The following PTPRD variants were observed in gnomAD, a reference collection of about 807,000 sequenced individuals.
The protein encoded by PTPRD is protein tyrosine phosphatase receptor type D, also known as receptor-type tyrosine-protein phosphatase delta.
In PTPRD, 34 loss-of-function variants were observed where a neutral mutation model predicts 214.5. The ratio of observed to expected loss-of-function variants is 0.16; its 90% CI spans 0.12 to 0.21. PTPRD has a LOEUF of 0.21. Ranked by LOEUF, PTPRD falls within the 10% of genes least tolerant of loss-of-function variation. The pLI is 1.00. For missense variants in PTPRD, 2,545 were observed against 2,398.7 expected (o/e 1.06, Z -1.27); for synonymous variants, 1,128 against 845.7 (o/e 1.33, Z -5.79).
At position 8,316,788 on chromosome 9, in the gene PTPRD, C is replaced by CATT. The variant is rs1822128160; in HGVS notation, c.*1083_*1085dup. 3 of 231,286 alleles carry CATT rather than the reference C, an allele frequency of 1.3e-5. No individual in the cohort carries two copies. Among genetic ancestry groups the CATT allele is most frequent in the Middle Eastern group, 2.6e-3 (2 of 774 alleles). 14.3% of individuals were successfully genotyped at this position (231,286 alleles called of 1,614,324 possible). On this transcript the variant is annotated 3_prime_UTR_variant, in exon 46 of 46. Coordinates refer to ENST00000381196, the MANE Select transcript of PTPRD (RefSeq NM_002839.4). ...CAATCAATCACTGATGTGCATTCCT[C>CATT]ATTTCCCTTTAAAGAAATACCAATA...
chr9:10,022,715 T>A (rs2096847651), intron 4 of PTPRD, among the ~76,000 whole-genome samples: 1 of 152,188 alleles, frequency 6.6e-6, no homozygotes, highest in African/African-American at 2.4e-5. Context: ...GCAGTTAAGA[T>A]TTACATTGAC....
chr9:8,530,035 A>G (rs1419644853), intron 14 of PTPRD, among the ~76,000 whole-genome samples: 2 of 152,102 alleles, frequency 1.3e-5, no homozygotes, highest in Admixed American at 6.6e-5. Context: ...GCAGAACATT[A>G]GATATCATCA....
intron 11 of PTPRD, among the ~76,000 whole-genome samples, chr9:8,756,450 A>G (rs1410836261): frequency 6.6e-5 from 10 of 152,244 alleles, no homozygotes; most frequent in Non-Finnish European, 1.5e-4. Flanking sequence ...TGCATAAAAA[A>G]CAATACAGCA....
intron 5 of PTPRD, among the ~76,000 whole-genome samples, chr9:9,848,122 G>C (rs2059890559): frequency 6.6e-6 from 1 of 152,082 alleles, no homozygotes; most frequent in African/African-American, 2.4e-5. Context: ...CCTCTAAACA[G>C]CTGTAACACG....
intron 3 of PTPRD, among the ~76,000 whole-genome samples, chr9:10,157,072 G>C (rs1245450481): frequency 2.0e-5 from 3 of 152,168 alleles, no homozygotes; most frequent in South Asian, 4.1e-4. Context: ...TTGCATCTTG[G>C]TTCTATACCC....
chr9:9,131,975 G>A (rs2099843424), intron 10 of PTPRD, among the ~76,000 whole-genome samples: 1 of 151,936 alleles, frequency 6.6e-6, no homozygotes, highest in Non-Finnish European at 1.5e-5. Flanking sequence ...AGTCTACTGA[G>A]CCTAAGTAAG....
At chr9:8,933,340 G>GTTTGTTTTTTTTT (rs2098966612) in intron 11 of PTPRD, among the ~76,000 whole-genome samples, 1 of 80,430 alleles carries the variant, frequency 1.2e-5, no homozygotes, top group East Asian at 4.9e-4. Flanking sequence ...CAACCTTGAG[G>GTTTGTTTTTTTTT]TTTTTTTTTT....
At position 9,883,535 on chromosome 9, in the gene PTPRD, G is replaced by A. The variant is rs114857059; in HGVS notation, c.-368+54972C>T. On this transcript the variant is annotated intron_variant, in intron 5 of 45. Transcript: ENST00000381196. The stretch of plus-strand genomic sequence containing the variant: ...AGGTACTTCCCGGTTTTCACTCTCA[G>A]TGTTACATGGTCTCTTAATCAATTA... 7.2e-3 allele frequency among the ~76,000 whole-genome samples: 1,097 copies of A among 152,186 alleles called. 12 individuals carry two copies. Among genetic ancestry groups the A allele is most frequent in the African/African-American group, 0.024 (1,013 of 41,502 alleles).
At chr9:9,991,841 C>A (rs1282462124) in intron 4 of PTPRD, among the ~76,000 whole-genome samples, 2 of 128,338 alleles carry the variant, frequency 1.6e-5, no homozygotes, top group African/African-American at 6.8e-5. Flanking sequence ...ACCACACACA[C>A]ACACACACAC....
intron 11 of PTPRD, among the ~76,000 whole-genome samples, chr9:8,929,641 T>C (rs866436021): frequency 8.6e-5 from 13 of 150,776 alleles, no homozygotes; most frequent in Middle Eastern, 3.4e-3. Flanking sequence ...GCTATTGGGC[T>C]GAAATTTTCT....
intron 9 of PTPRD, among the ~76,000 whole-genome samples, chr9:9,212,500 C>T (rs1203357396): frequency 6.6e-6 from 1 of 152,128 alleles, no homozygotes; most frequent in Non-Finnish European, 1.5e-5. Flanking sequence ...ACTGCAAAAA[C>T]ACTTTGGTCA....
chr9:9,460,830 C>G (rs1589042902), intron 8 of PTPRD, among the ~76,000 whole-genome samples: 2 of 151,734 alleles, frequency 1.3e-5, no homozygotes, highest in Non-Finnish European at 2.9e-5. Context: ...GGGTATCTAC[C>G]CAAAGGAAAA....
intron 11 of PTPRD, among the ~76,000 whole-genome samples, chr9:8,778,618 C>G (rs1287026235): frequency 1.3e-5 from 2 of 152,144 alleles, no homozygotes; most frequent in Non-Finnish European, 2.9e-5. Flanking sequence ...GAGGAAAGCA[C>G]CTTCTACTGC....
intron 10 of PTPRD, among the ~76,000 whole-genome samples, chr9:9,019,297 A>AAAGAAAGAAAGAAAGG (rs1589891201): frequency 2.1e-3 from 115 of 55,134 alleles, no homozygotes; most frequent in African/African-American, 5.4e-3. Context: ...AGAAAGAAAG[A>AAAGAAAGAAAGAAAGG]AAGAAAGAAA....
chr9:9,873,304 G>A (rs2065974732), intron 5 of PTPRD, among the ~76,000 whole-genome samples: 2 of 151,918 alleles, frequency 1.3e-5, no homozygotes, highest in African/African-American at 4.8e-5. Context: ...ATTAGCCTTG[G>A]GTGGCTAACC....
intron 7 of PTPRD, among the ~76,000 whole-genome samples, chr9:9,655,834 T>G (rs1452598626): frequency 1.3e-5 from 2 of 151,756 alleles, no homozygotes; most frequent in Non-Finnish European, 2.9e-5. Flanking sequence ...AAAAATTAGC[T>G]GGGCGTGGTG....
At chr9:10,215,679 T>C (rs189505731) in intron 3 of PTPRD, among the ~76,000 whole-genome samples, 15 of 152,138 alleles carry the variant, frequency 9.9e-5, no homozygotes, top group Admixed American at 6.6e-4. Flanking sequence ...CATATGCATA[T>C]CAATAAATAT....
intron 14 of PTPRD, among the ~76,000 whole-genome samples, chr9:8,625,290 T>C (rs2095986182): frequency 6.6e-6 from 1 of 151,996 alleles, no homozygotes; most frequent in Non-Finnish European, 1.5e-5. Flanking sequence ...ATAACTAGCT[T>C]TATTAAAAGC....
At chr9:9,480,089 A>G (rs1011021308) in intron 8 of PTPRD, among the ~76,000 whole-genome samples, 3 of 152,190 alleles carry the variant, frequency 2.0e-5, no homozygotes, top group African/African-American at 7.2e-5. Flanking sequence ...AAATGCCATG[A>G]AAATACTGCC....
Sources: allele counts gnomAD v4.1 joint callset (sites outside exome capture counted in the v4.1 genomes callset), GRCh38; gene constraint gnomAD v4.1.1; transcripts MANE v1.5; gene names NCBI Gene and HGNC (gene_info 2026-07-23, HGNC 2026-07-21).